The following CDH4 variants were observed in gnomAD, a reference collection of about 807,000 sequenced individuals.
CDH4 encodes the protein cadherin-4.
A neutral mutation model predicts 86.0 loss-of-function variants in CDH4; 33 were observed. The observed-to-expected ratio is 0.38, with a 90% CI of 0.29 to 0.51. The LOEUF (loss-of-function observed/expected upper bound fraction) is 0.51, where lower values mean the gene tolerates loss of function less well. Ranked by LOEUF, CDH4 falls within the 20% of genes least tolerant of loss-of-function variation. The pLI, the probability that CDH4 is intolerant of heterozygous loss-of-function variation, is 0.86. For missense variants in CDH4, 1,114 were observed against 1,307.4 expected (o/e 0.85, Z 2.28); for synonymous variants, 555 against 549.4 (o/e 1.01, Z -0.14).
intron 2 of CDH4, among the ~76,000 whole-genome samples, chr20:61,554,019 C>G (rs2086155072): frequency 6.6e-6 from 1 of 152,206 alleles, no homozygotes; most frequent in African/African-American, 2.4e-5. Context: ...CTCTGAGGAG[C>G]ACCCACGGTT....
intron 2 of CDH4, among the ~76,000 whole-genome samples, chr20:61,637,971 C>T (rs2086964941): frequency 6.6e-6 from 1 of 150,596 alleles, no homozygotes; most frequent in Admixed American, 6.6e-5. Context: ...GCGGAGGCTG[C>T]AGTGAGCCGA....
At chr20:61,375,038 A>G (rs1356620669) in intron 2 of CDH4, among the ~76,000 whole-genome samples, 1 of 152,134 alleles carries the variant, frequency 6.6e-6, no homozygotes, top group East Asian at 1.9e-4. Context: ...TTCTGGACCA[A>G]ACTAATGTCT....
At chr20:61,382,861 A>C (rs1197941519) in intron 2 of CDH4, among the ~76,000 whole-genome samples, 1 of 145,900 alleles carries the variant, frequency 6.9e-6, no homozygotes, top group African/African-American at 2.6e-5. Context: ...CCTTAATGTC[A>C]TTACATCTGC....
intron 2 of CDH4, among the ~76,000 whole-genome samples, chr20:61,443,960 G>A (rs372022154): frequency 1.1e-5 from 1 of 91,004 alleles, no homozygotes; most frequent in African/African-American, 6.2e-5. Context: ...GTGTGTCTGT[G>A]TGTGTATCTG....
intron 6 of CDH4, among the ~76,000 whole-genome samples, chr20:61,867,332 C>A (rs141386475): frequency 1.3e-5 from 2 of 152,124 alleles, no homozygotes; most frequent in African/African-American, 4.8e-5. Flanking sequence ...GGTGGATCAC[C>A]TAAGCTCAGG....
At chr20:61,346,905 T>A (rs551722101) in intron 2 of CDH4, among the ~76,000 whole-genome samples, 5 of 152,050 alleles carry the variant, frequency 3.3e-5, no homozygotes. Flanking sequence ...GTGCCCCCCA[T>A]CTGTCCCTCA....
rs949928127 is a variant in CDH4 at position 61,924,341 on chromosome 20, A to G, written c.1636A>G (p.Lys546Glu). ...RFMQQAVRYS[K>E]LSDPASWLHI... ...CACTTGTGGTCTCCGCAGATACTCA[A>G]AGCTGTCAGACCCAGCGAGCTGGCT... The change falls in exon 11 of 16, where the codon AAG becomes GAG. Residue 546 changes from lysine to glutamate, a missense_variant. This residue lies in a region of CDH4 where 705 missense variants were observed against 914.1 expected (regional missense o/e 0.77). Transcript: ENST00000614565. The G allele has an allele frequency of 1.2e-6, 2 of 1,613,362 alleles. No homozygotes were observed. The highest frequency in any genetic ancestry group is 1.7e-6 in the Non-Finnish European group (2 of 1,179,828).
chr20:61,640,332 A>T (rs1242067725), intron 2 of CDH4, among the ~76,000 whole-genome samples: 1 of 152,190 alleles, frequency 6.6e-6, no homozygotes, highest in Admixed American at 6.5e-5. Context: ...AGCCCACACC[A>T]TCCAGGGTGC....
At chr20:61,781,803 G>A (rs142853202) in intron 4 of CDH4, among the ~76,000 whole-genome samples, 19 of 152,260 alleles carry the variant, frequency 1.2e-4, no homozygotes, top group South Asian at 2.1e-4. Flanking sequence ...AAAGAACGCC[G>A]TTCACCGATC....
chr20:61,378,920 C>T (rs968751012), intron 2 of CDH4, among the ~76,000 whole-genome samples: 11 of 152,156 alleles, frequency 7.2e-5, no homozygotes, highest in African/African-American at 2.7e-4. Flanking sequence ...TGACATTAGT[C>T]CAGTCCACAG....
chr20:61,771,152 A>G (rs1458452571), intron 3 of CDH4, among the ~76,000 whole-genome samples: 1 of 151,356 alleles, frequency 6.6e-6, no homozygotes, highest in Non-Finnish European at 1.5e-5. Context: ...CTGGGACTAC[A>G]GGCATGTGCC....
At chr20:61,699,819 C>A (rs941174592) in intron 2 of CDH4, among the ~76,000 whole-genome samples, 4 of 151,904 alleles carry the variant, frequency 2.6e-5, no homozygotes, top group Admixed American at 1.3e-4. Context: ...ACCCGGGGCA[C>A]ACACATGTCG....
chr20:61,447,227 G>T (rs1283983294), intron 2 of CDH4, among the ~76,000 whole-genome samples: 1 of 151,964 alleles, frequency 6.6e-6, no homozygotes, highest in Non-Finnish European at 1.5e-5. Context: ...TGCGATCTCA[G>T]CTCACTGCAA....
intron 2 of CDH4, among the ~76,000 whole-genome samples, chr20:61,671,623 G>A (rs2087388349): frequency 6.6e-6 from 1 of 152,104 alleles, no homozygotes; most frequent in South Asian, 2.1e-4. Flanking sequence ...ATGGATGGAT[G>A]GGTGTGTAGA....
At position 61,754,166 on chromosome 20, in the gene CDH4, G is replaced by A. The variant is rs569541171; in HGVS notation, c.396+10377G>A. On this transcript the variant is annotated intron_variant, in intron 3 of 15. Transcript: ENST00000614565. This position sits in a 1 kb window ranked among gnomAD's most constrained non-coding sequence, Gnocchi z 4.7. Reference sequence around the variant, plus strand: ...GCACAGCCTCCCAGGGACCAGTGCTGCAACATCTTGATTTTGGACTTCTGG... The same window carrying A: ...GCACAGCCTCCCAGGGACCAGTGCTACAACATCTTGATTTTGGACTTCTGG... Among the ~76,000 whole-genome samples the A allele has an allele frequency of 3.3e-5, 5 of 152,266 alleles. No homozygotes were observed. The South Asian group carries it at 1.0e-3, about 32-fold the overall frequency.
chr20:61,594,218 G>A (rs2086538821), intron 2 of CDH4, among the ~76,000 whole-genome samples: 1 of 122,340 alleles, frequency 8.2e-6, no homozygotes, highest in Non-Finnish European at 1.7e-5. Flanking sequence ...GGGTCAGGGT[G>A]AAGAGGGAGG....
chr20:61,422,445 A>C (rs1248691642), intron 2 of CDH4, among the ~76,000 whole-genome samples: 3 of 142,668 alleles, frequency 2.1e-5, no homozygotes, highest in Non-Finnish European at 4.6e-5. Flanking sequence ...AAAAAAAAAA[A>C]AAAAAAAAAA....
At chr20:61,808,254 C>T (rs1269963878) in intron 4 of CDH4, among the ~76,000 whole-genome samples, 1 of 152,058 alleles carries the variant, frequency 6.6e-6, no homozygotes. Context: ...GAGGAATCCT[C>T]ACTTCCAGAA....
intron 2 of CDH4, among the ~76,000 whole-genome samples, chr20:61,618,165 G>T (rs148412965): frequency 1.1e-4 from 17 of 152,258 alleles, no homozygotes; most frequent in Admixed American, 3.9e-4. Flanking sequence ...GCCGGTGCTG[G>T]CCTCGGCTGG....
Sources: allele counts gnomAD v4.1 joint callset (sites outside exome capture counted in the v4.1 genomes callset), GRCh38; gene constraint gnomAD v4.1.1; regional missense constraint gnomAD v4.1.1; non-coding constraint Gnocchi (gnomAD v3.1); transcripts MANE v1.5; gene names NCBI Gene and HGNC (gene_info 2026-07-23, HGNC 2026-07-21).